NEMP2: variants seen among roughly 807,000 people sequenced by gnomAD.
NEMP2 encodes the protein UPF0571 transmembrane protein.
A neutral mutation model predicts 54.2 loss-of-function variants in NEMP2; 53 were observed. The observed-to-expected ratio is 0.98, with a 90% CI of 0.78 to 1.23. The LOEUF (loss-of-function observed/expected upper bound fraction) is 1.23. Among genes scored for constraint, NEMP2 ranks in the 50% most tolerant of loss-of-function variants. The pLI is 0.00. For missense variants in NEMP2, 455 were observed against 511.3 expected, an observed-to-expected ratio of 0.89 and a Z score of 1.06; for synonymous variants, 197 against 190.3, an observed-to-expected ratio of 1.04 and a Z score of -0.29.
At chr2:190,457,727 A>G in the NEMP2 span, among the ~76,000 whole-genome samples, 3 of 152,124 alleles carry the variant, frequency 2.0e-5, no homozygotes, top group Admixed American at 6.5e-5. This position sits in a 1 kb window ranked among gnomAD's most constrained non-coding sequence, Gnocchi z 5.1. Flanking sequence ...TTTTCTTTAC[A>G]TGCTTGTTTA....
the NEMP2 span, among the ~76,000 whole-genome samples, chr2:190,575,991 T>C: frequency 6.6e-6 from 1 of 151,994 alleles, no homozygotes; most frequent in Non-Finnish European, 1.5e-5. Flanking sequence ...TTTTTTTTTT[T>C]TGAGGCAGGG....
At chr2:190,435,342 C>A in the NEMP2 span, 1 of 152,208 alleles carries the variant, frequency 6.6e-6, no homozygotes, top group East Asian at 1.9e-4. Flanking sequence ...ATTATCTGCT[C>A]TTTTTTCTTG....
At chr2:190,572,833 GTA>G in the NEMP2 span, among the ~76,000 whole-genome samples, 443 of 47,798 alleles carry the variant, frequency 9.3e-3, 1 homozygote, top group South Asian at 0.016. Flanking sequence ...CTTTTCATGA[GTA>G]TATATATATA....
chr2:190,572,833 GTATATATATATATATATATA>G, the NEMP2 span, among the ~76,000 whole-genome samples: 3,197 of 47,926 alleles, frequency 0.067, 174 homozygotes, highest in Middle Eastern at 0.24. Context: ...CTTTTCATGA[GTATATATATATATATATATA>G]TATATATATA....
downstream of NEMP2, chr2:190,500,060 C>A (rs1453255148): frequency 6.2e-7 from 1 of 1,614,218 alleles, no homozygotes; most frequent in Non-Finnish European, 8.5e-7. This position sits in a 1 kb window ranked among gnomAD's most constrained non-coding sequence, Gnocchi z 5.3. Flanking sequence ...TAGAGCCCAG[C>A]CTGTCCCATG....
chr2:190,528,297 A>G lies in NEMP2; in HGVS notation c.98-2919T>C, dbSNP rs896204114. ...GCAACTGCAATGAGAAGACATGAGA[A>G]CACATTAAATGCTCCCAGTTAGTAA... On this transcript the variant is annotated intron_variant, in intron 1 of 8. Coordinates refer to ENST00000409150, the MANE Select transcript of NEMP2 (RefSeq NM_001142645.2). The surrounding 1 kb of genome is among the most constrained non-coding windows in gnomAD (Gnocchi z 4.3). Among the ~76,000 whole-genome samples, 1 of 152,222 alleles carries G rather than the reference A, an allele frequency of 6.6e-6. No individual in the cohort carries two copies. Among genetic ancestry groups the G allele is most frequent in the Non-Finnish European group, 1.5e-5 (1 of 68,042 alleles).
chr2:190,451,677 A>G, the NEMP2 span, among the ~76,000 whole-genome samples: 1 of 152,238 alleles, frequency 6.6e-6, no homozygotes, highest in African/African-American at 2.4e-5. The surrounding 1 kb of genome is among the most constrained non-coding windows in gnomAD (Gnocchi z 5.0). Flanking sequence ...ATTTGAGCAG[A>G]GTCCTGAATG....
the NEMP2 span, chr2:190,469,910 A>G: frequency 7.6e-7 from 1 of 1,312,022 alleles, no homozygotes. The surrounding 1 kb of genome is among the most constrained non-coding windows in gnomAD (Gnocchi z 5.3). Flanking sequence ...AGCTGTGGCT[A>G]AAAGCCCAGT....
the NEMP2 span, among the ~76,000 whole-genome samples, chr2:190,546,590 A>T: frequency 6.6e-6 from 1 of 152,128 alleles, no homozygotes; most frequent in Admixed American, 6.5e-5. This position sits in a 1 kb window ranked among gnomAD's most constrained non-coding sequence, Gnocchi z 5.1. Flanking sequence ...TGCTTACACT[A>T]TGCAAAGTCT....
the NEMP2 span, among the ~76,000 whole-genome samples, chr2:190,540,382 C>G: frequency 6.6e-6 from 1 of 151,930 alleles, no homozygotes; most frequent in Admixed American, 6.6e-5. Context: ...CCCCCAGGCT[C>G]AAATGATCCT....
At chr2:190,560,626 G>A in the NEMP2 span, among the ~76,000 whole-genome samples, 1 of 152,190 alleles carries the variant, frequency 6.6e-6, no homozygotes, top group Non-Finnish European at 1.5e-5. This position sits in a 1 kb window ranked among gnomAD's most constrained non-coding sequence, Gnocchi z 5.4. Flanking sequence ...GATCTTAGGT[G>A]ATACCTTCTT....
At chr2:190,526,668 A>G (rs1690948594) in intron 1 of NEMP2, among the ~76,000 whole-genome samples, 1 of 152,130 alleles carries the variant, frequency 6.6e-6, no homozygotes, top group African/African-American at 2.4e-5. Context: ...TGATAAGCGG[A>G]GAGATAGTGA....
the NEMP2 span, among the ~76,000 whole-genome samples, chr2:190,634,071 CTT>C: frequency 6.6e-6 from 1 of 151,942 alleles, no homozygotes; most frequent in African/African-American, 2.4e-5. The surrounding 1 kb of genome is among the most constrained non-coding windows in gnomAD (Gnocchi z 6.8). Flanking sequence ...GATTCTGTGT[CTT>C]AAAAAAAAGA....
At chr2:190,515,343 C>A (rs1158252613) in intron 6 of NEMP2, among the ~76,000 whole-genome samples, 1 of 152,128 alleles carries the variant, frequency 6.6e-6, no homozygotes, top group Non-Finnish European at 1.5e-5. Flanking sequence ...AGCTTGGTTT[C>A]TTTAGCATAT....
At chr2:190,639,636 G>T in the NEMP2 span, among the ~76,000 whole-genome samples, 4 of 143,966 alleles carry the variant, frequency 2.8e-5, no homozygotes, top group Non-Finnish European at 4.6e-5. Flanking sequence ...TTATTGTTGA[G>T]TTTTTTTTTT....
At chr2:190,614,285 C>T in the NEMP2 span, among the ~76,000 whole-genome samples, 1 of 152,164 alleles carries the variant, frequency 6.6e-6, no homozygotes, top group East Asian at 1.9e-4. The surrounding 1 kb of genome is among the most constrained non-coding windows in gnomAD (Gnocchi z 5.7). Context: ...TTTTTCCAAA[C>T]AAAGTCATTT....
chr2:190,437,021 G>A, the NEMP2 span: 1 of 1,614,082 alleles, frequency 6.2e-7, no homozygotes, highest in East Asian at 2.2e-5. The surrounding 1 kb of genome is among the most constrained non-coding windows in gnomAD (Gnocchi z 5.9). Context: ...CGCATGTGGG[G>A]CTCCCTGGGC....
chr2:190,567,689 A>G, the NEMP2 span, among the ~76,000 whole-genome samples: 82,057 of 151,956 alleles, frequency 0.54, 23,129 homozygotes, highest in Admixed American at 0.64. The surrounding 1 kb of genome is among the most constrained non-coding windows in gnomAD (Gnocchi z 4.0). Flanking sequence ...TCGCTCTGTC[A>G]CCAGGCTACA....
the NEMP2 span, among the ~76,000 whole-genome samples, chr2:190,440,229 T>C: frequency 6.6e-6 from 1 of 152,186 alleles, no homozygotes; most frequent in Non-Finnish European, 1.5e-5. Flanking sequence ...TTTTTAAAAA[T>C]AGCATGTCCA....
Sources: allele counts gnomAD v4.1 joint callset (sites outside exome capture counted in the v4.1 genomes callset), GRCh38; gene constraint gnomAD v4.1.1; non-coding constraint Gnocchi (gnomAD v3.1); transcripts MANE v1.5; gene names NCBI Gene and HGNC (gene_info 2026-07-23, HGNC 2026-07-21).